ADAMTS7: variants seen among roughly 807,000 people sequenced by gnomAD.
The protein encoded by ADAMTS7 is A disintegrin and metalloproteinase with thrombospondin motifs 7.
ADAMTS7 carries 89 observed loss-of-function variants against 172.6 expected under a neutral mutation model. The observed-to-expected ratio is 0.52, with a 90% confidence interval of 0.43 to 0.61. The LOEUF (loss-of-function observed/expected upper bound fraction) is 0.61. Among genes scored for constraint, ADAMTS7 ranks in the 20% least tolerant of loss-of-function variants. The pLI, the probability that ADAMTS7 is intolerant of heterozygous loss-of-function variation, is 0.00. For synonymous variants in ADAMTS7, 885 were observed against 978.4 expected (o/e 0.90, Z 1.78); for missense variants, 1,973 against 2,355.6 (o/e 0.84, Z 3.36).
rs948992844 is a variant in ADAMTS7 at position 78,787,825 on chromosome 15, G to A, written c.1322+406C>T. Among the ~76,000 whole-genome samples, 6 of 152,096 alleles carry A rather than the reference G, an allele frequency of 3.9e-5. No homozygotes were observed. In the East Asian group the frequency reaches 9.7e-4, roughly 24 times the overall value. Reference sequence around the variant, plus strand: ...CACCTCCTCCAGCTTCATTTCCTACGCAGCCTTTGCTCCCATAGCCTTGCT... The same window carrying A: ...CACCTCCTCCAGCTTCATTTCCTACACAGCCTTTGCTCCCATAGCCTTGCT... On this transcript the variant is annotated intron_variant, in intron 8 of 23. Transcript: ENST00000388820.
chr15:78,796,590 C>G lies in ADAMTS7; in HGVS notation c.819G>C (p.Met273Ile). The G allele has an allele frequency of 6.2e-7, 1 of 1,611,200 alleles. No individual in the cohort carries two copies. The highest frequency in any genetic ancestry group is 8.5e-7 in the Non-Finnish European group (1 of 1,178,256). Residue 273 changes from methionine (M) to isoleucine (I), a missense_variant and splice_region_variant, in exon 4 of 24, where the codon ATG becomes ATC. Around this residue, in one of 8 missense-constraint regions of ADAMTS7, gnomAD observed 526 missense variants for 662.9 expected, o/e 0.79. Coordinates refer to ENST00000388820, the MANE Select transcript of ADAMTS7 (RefSeq NM_014272.5). ...VESYVLTIMN[M>I]VAGLFHDPSI... ...CCGCTCCTGGCCCACACAGACTCACCATGTTCATGATGGTCAGCACATAGC... is the reference window on the plus strand; with the variant it reads ...CCGCTCCTGGCCCACACAGACTCACGATGTTCATGATGGTCAGCACATAGC...
Position 78,771,636 on chromosome 15 carries a change from G to A in ADAMTS7, c.2325C>T (p.Asn775=). 6.2e-7 allele frequency: 1 copy of A among 1,602,080 alleles called. No homozygotes were observed. Among genetic ancestry groups the A allele is most frequent in the Non-Finnish European group, 8.5e-7 (1 of 1,179,752 alleles). ...GACCCGGGGACGTGAGGTTCTCCCA[G>A]TTGCCCCTGCGTGCGTATGTGAAGG... is the stretch of plus-strand genomic sequence containing the variant. ...GTTFTYARRG[N]WENLTSPGPT... is the part of the protein sequence containing the mutation. Residue 775 remains asparagine, a synonymous_variant, in exon 15 of 24, where the codon AAC becomes AAT. Coordinates refer to ENST00000388820, the MANE Select transcript of ADAMTS7 (RefSeq NM_014272.5). This position sits in a 1 kb window ranked among gnomAD's most constrained non-coding sequence, Gnocchi z 4.9.
intron 4 of ADAMTS7, among the ~76,000 whole-genome samples, chr15:78,791,867 T>A (rs902889025): frequency 2.6e-5 from 4 of 152,076 alleles, no homozygotes; most frequent in African/African-American, 9.7e-5. Context: ...GGCTCCCTAC[T>A]GAGACCCAGG....
At chr15:78,796,840 C>G in intron 3 of ADAMTS7, 54 bp from the exon 4 acceptor site, 3 of 1,483,390 alleles carry the variant, frequency 2.0e-6, no homozygotes, top group Non-Finnish European at 2.7e-6. Context: ...CCAGGGCACA[C>G]GTCTCCAGGG....
At chr15:78,768,928 T>G (rs1256262026) in intron 16 of ADAMTS7, among the ~76,000 whole-genome samples, 1 of 152,134 alleles carries the variant, frequency 6.6e-6, no homozygotes, top group African/African-American at 2.4e-5. Context: ...CGGGGCTGGC[T>G]TGGGTGATGA....
chr15:78,775,040 G>A (rs544215824), intron 11 of ADAMTS7, among the ~76,000 whole-genome samples: 5 of 152,326 alleles, frequency 3.3e-5, no homozygotes, highest in East Asian at 1.9e-4. Flanking sequence ...CAGTGTGACC[G>A]TGGGCAAGTC....
At chr15:78,760,134 G>A (rs1046837249) in intron 23 of ADAMTS7, among the ~76,000 whole-genome samples, 22 of 151,760 alleles carry the variant, frequency 1.4e-4, no homozygotes, top group South Asian at 6.2e-4. Context: ...TCTCAGGTGG[G>A]CCACGAAGCC....
At chr15:78,775,398 G>A (rs937341963) in intron 11 of ADAMTS7, among the ~76,000 whole-genome samples, 2 of 152,190 alleles carry the variant, frequency 1.3e-5, no homozygotes, top group African/African-American at 4.8e-5. Context: ...AGGGGCACAG[G>A]CCACTCTTGG....
Position 78,799,851 on chromosome 15 carries a change from G to C in ADAMTS7, c.456+341C>G, listed in dbSNP as rs181460943. 4.4e-3 allele frequency among the ~76,000 whole-genome samples: 542 copies of C among 123,536 alleles called. 2 individuals carry two copies. Among genetic ancestry groups the C allele is most frequent in the Non-Finnish European group, 6.2e-3 (389 of 62,882 alleles). The allele number at this position is 123,536 out of a possible 152,430, so 81.0% of individuals were successfully genotyped here. ...TTTCTTTCTTTCTTTTTTTTTTTTT[G>C]AGAGTGCCTGGGGTCTCGCTGTGTC... is the stretch of plus-strand genomic sequence containing the variant. On this transcript the variant is annotated intron_variant, in intron 2 of 23. Coordinates refer to ENST00000388820, the MANE Select transcript of ADAMTS7 (RefSeq NM_014272.5).
At chr15:78,783,598 A>G (rs1337686508) in intron 8 of ADAMTS7, among the ~76,000 whole-genome samples, 2 of 152,168 alleles carry the variant, frequency 1.3e-5, no homozygotes, top group Non-Finnish European at 2.9e-5. Context: ...TTAACATGAA[A>G]CAAATATTTT....
At chr15:78,772,244 T>A (rs1003503036) in intron 14 of ADAMTS7, among the ~76,000 whole-genome samples, 4 of 152,164 alleles carry the variant, frequency 2.6e-5, no homozygotes, top group Admixed American at 6.5e-5. Context: ...GCACCTCACA[T>A]GTGTAAGCTC....
intron 8 of ADAMTS7, among the ~76,000 whole-genome samples, chr15:78,779,552 G>A (rs1398100682): frequency 6.6e-6 from 1 of 152,194 alleles, no homozygotes; most frequent in Non-Finnish European, 1.5e-5. Context: ...GAGACCTGGT[G>A]GGGAGAAAGG....
rs1305652972 is a variant in ADAMTS7, at chr15:78,771,566, G to T, written c.2376+19C>A. The stretch of plus-strand genomic sequence containing the variant: ...ACTCCGCCTCTGCTCCCCCCGCCTG[G>T]GCCACGGGAGGCAGGCACCTGGATC... On this transcript the variant is annotated intron_variant, in intron 15 of 23. Transcript: ENST00000388820. This position sits in a 1 kb window ranked among gnomAD's most constrained non-coding sequence, Gnocchi z 4.9. 1.3e-6 allele frequency: 2 copies of T among 1,586,194 alleles called. No homozygotes were observed. The highest frequency in any genetic ancestry group is 1.7e-6 in the Non-Finnish European group (2 of 1,171,950).
chr15:78,777,892 G>A (rs529910640), intron 8 of ADAMTS7, among the ~76,000 whole-genome samples: 53 of 152,182 alleles, frequency 3.5e-4, no homozygotes, highest in Non-Finnish European at 7.2e-4. Context: ...CCACCAAGCC[G>A]TCATGTGGCC....
intron 3 of ADAMTS7, 43 bp downstream of exon 3, chr15:78,797,905 C>T: frequency 1.9e-6 from 3 of 1,573,378 alleles, no homozygotes; most frequent in Non-Finnish European, 2.6e-6. Context: ...TTCATGTCCC[C>T]AGGCCCAGCA....
chr15:78,776,631 G>T (rs35772875), intron 10 of ADAMTS7, 118 bp downstream of exon 10: 15,516 of 1,090,266 alleles, frequency 0.014, 160 homozygotes, highest in Middle Eastern at 0.069. Context: ...TGCAGAGAGC[G>T]TGGGGCTCTG....
At chr15:78,781,360 C>T (rs541108985) in intron 8 of ADAMTS7, among the ~76,000 whole-genome samples, 87 of 152,054 alleles carry the variant, frequency 5.7e-4, no homozygotes, top group African/African-American at 1.8e-3. Flanking sequence ...TCCTGGGCCT[C>T]GGGAGGGCCC....
intron 1 of ADAMTS7, among the ~76,000 whole-genome samples, chr15:78,802,101 T>G (rs547271111): frequency 6.6e-6 from 1 of 151,484 alleles, no homozygotes; most frequent in East Asian, 2.0e-4. Flanking sequence ...CCTCCTAAAT[T>G]GTTGGGATTA....
Position 78,759,584 on chromosome 15 carries a change from G to A in ADAMTS7, c.4904-6C>T, listed in dbSNP as rs753792018. 16 of 1,577,138 alleles carry A rather than the reference G, an allele frequency of 1.0e-5. No individual in the cohort carries two copies. Among genetic ancestry groups the A allele is most frequent in the Non-Finnish European group, 1.4e-5 (16 of 1,167,286 alleles). ...CAGGCGGTCCCGCTCACAGCCTGGA[G>A]TGGGGGGGCAGAGAGGCATCAGAAC... is the stretch of plus-strand genomic sequence containing the variant. On this transcript the variant is annotated splice_polypyrimidine_tract_variant and splice_region_variant and intron_variant, in intron 23 of 23. Coordinates refer to ENST00000388820, the MANE Select transcript of ADAMTS7 (RefSeq NM_014272.5).
Sources: gnomAD v4.1 joint callset for allele counts (sites outside exome capture counted in the v4.1 genomes callset) on GRCh38, gnomAD v4.1.1 for gene constraint, gnomAD v4.1.1 regional missense constraint, Gnocchi (gnomAD v3.1) non-coding constraint, MANE v1.5 for transcripts, NCBI Gene and HGNC (gene_info 2026-07-23, HGNC 2026-07-21) for gene names.